Variants in LAMA5 observed in about 807,000 individuals in gnomAD.
LAMA5 encodes laminin subunit alpha 5, also known as laminin subunit alpha-5.
In LAMA5, 260 loss-of-function variants were observed where a neutral mutation model predicts 433.4. The observed-to-expected ratio is 0.60, with a 90% CI of 0.54 to 0.66. LAMA5 has a LOEUF of 0.66. LAMA5 is among the 30% of genes least tolerant of loss of function. LAMA5 has a pLI of 0.00. For missense variants in LAMA5, 5,378 were observed against 5,258.5 expected (o/e 1.02, Z -0.70); for synonymous variants, 2,620 against 2,226.6 (o/e 1.18, Z -4.97).
In LAMA5 at chr20:62,321,868, G is replaced by A; in HGVS notation, c.6496+151C>T. 4 of 765,008 alleles carry A rather than the reference G, an allele frequency of 5.2e-6. No individual in the cohort carries two copies. In the Admixed American group the frequency reaches 7.5e-5, roughly 14 times the overall value. 47.4% of individuals were successfully genotyped at this position (765,008 alleles called of 1,614,324 possible). On this transcript the variant is annotated intron_variant, in intron 48 of 79. Transcript: ENST00000252999. ...GTGGAGCTGCAGCGCTCCTCAGCGT[G>A]GTTGGAGTTGGACAGGCATGGGTCT...
chr20:62,345,378 A>G (rs1424323009), intron 11 of LAMA5: 2 of 163,884 alleles, frequency 1.2e-5, no homozygotes, highest in East Asian at 1.8e-4. Context: ...CACATTGTGC[A>G]GGTTAGTTAC....
chr20:62,364,742 C>G (rs1986531738), intron 1 of LAMA5, among the ~76,000 whole-genome samples: 2 of 152,234 alleles, frequency 1.3e-5, no homozygotes, highest in South Asian at 4.1e-4. Flanking sequence ...TGCCCTCTGC[C>G]TGCTCCAGCT....
chr20:62,346,888 CACGT>C (rs1983473870), intron 7 of LAMA5, 21 bp downstream of exon 7: 1 of 1,610,866 alleles, frequency 6.2e-7, no homozygotes, highest in African/African-American at 1.3e-5. Context: ...GGGCAGGACA[CACGT>C]GTGTGGGAGG....
At position 62,310,400 on chromosome 20, in the gene LAMA5, G is replaced by A. The variant is rs1206901253; in HGVS notation, c.10600+19C>T. ...CCTGCCCTGCCCTGCTGAGGCCTGG[G>A]ATGCCAGCACCCACAGACCTAAAGT... is the stretch of plus-strand genomic sequence containing the variant. On this transcript the variant is annotated intron_variant, in intron 76 of 79. Transcript: ENST00000252999. 3 of 1,586,514 alleles carry A rather than the reference G, an allele frequency of 1.9e-6. No homozygotes were observed. The highest frequency in any genetic ancestry group is 2.6e-6 in the Non-Finnish European group (3 of 1,169,546).
chr20:62,317,730 G>A lies in LAMA5; in HGVS notation c.7288C>T (p.Leu2430=), dbSNP rs777580744. ...GCCAGGGTGTCCCTAGCCGCATGCAGAGTGGCCTGCAGGGTGGCATTGTCC... is the reference window on the plus strand; with the variant it reads ...GCCAGGGTGTCCCTAGCCGCATGCAAAGTGGCCTGCAGGGTGGCATTGTCC... The part of the protein sequence containing the change: ...SRDNATLQAT[L]HAARDTLASV... The change falls in exon 54 of 80, where the codon CTG becomes TTG. Residue 2430 remains leucine, a synonymous_variant. Coordinates refer to ENST00000252999, the MANE Select transcript of LAMA5 (RefSeq NM_005560.6). 1.2e-6 allele frequency: 2 copies of A among 1,607,996 alleles called. No homozygotes were observed. The highest frequency in any genetic ancestry group is 1.7e-6 in the Non-Finnish European group (2 of 1,178,082).
In LAMA5 at chr20:62,324,155, CCAGCCTGGCAGCGCT is replaced by C. The variant is rs1167065267; in HGVS notation, c.5678_5692del (p.Glu1893_Ala1897del). 6.4e-7 allele frequency: 1 copy of C among 1,556,050 alleles called. No homozygotes were observed. Among genetic ancestry groups the C allele is most frequent in the African/African-American group, 1.4e-5 (1 of 71,108 alleles). ...GGGGTCGTCCCTGCTGCTCACGAAG[CCAGCCTGGCAGCGCT>C]CACAGTGGGCCCCTTCGGTGTTGTG... is the stretch of plus-strand genomic sequence containing the variant. On this transcript the variant is annotated inframe_deletion, in exon 43 of 80. Transcript: ENST00000252999. The surrounding 1 kb of genome is among the most constrained non-coding windows in gnomAD (Gnocchi z 4.4).
Position 62,338,220 on chromosome 20 carries a change from G to A in LAMA5, c.1756+12C>T. 6.3e-7 allele frequency: 1 copy of A among 1,586,476 alleles called. No individual in the cohort carries two copies. The highest frequency in any genetic ancestry group is 8.6e-7 in the Non-Finnish European group (1 of 1,164,142). On this transcript the variant is annotated intron_variant, in intron 13 of 79. Transcript: ENST00000252999. ...TCCCCTACCCACGCCCACGTGGAGA[G>A]GCACCACTCACACTGGCAGAGAGGG...
chr20:62,367,122 C>G lies in LAMA5; in HGVS notation c.124G>C (p.Gly42Arg), dbSNP rs969518713. 11 of 1,274,990 alleles carry G rather than the reference C, an allele frequency of 8.6e-6. No individual in the cohort carries two copies. The highest frequency in any genetic ancestry group is 4.6e-5 in the African/African-American group (3 of 64,532). The allele number at this position is 1,274,990 out of a possible 1,614,324, so 79.0% of individuals were successfully genotyped here. ...AARAREEAGG[G>R]FSLHPPYFNL... is the part of the protein sequence containing the mutation. ...AAGTAGGGCGGGTGCAGGCTGAAGC[C>G]GCCGCCCGCCTCCTCCCGCGCCCGC... Residue 42 changes from glycine (G) to arginine (R), a missense_variant, in exon 1 of 80, where the codon GGC becomes CGC. By Grantham distance (125) the Gly-to-Arg change is moderately radical. Transcript: ENST00000252999.
In LAMA5 at chr20:62,330,831, G is replaced by A. The variant is rs371676558; in HGVS notation, c.3764C>T (p.Thr1255Ile). The A allele has an allele frequency of 1.3e-6, 2 of 1,545,102 alleles. No homozygotes were observed. The highest frequency in any genetic ancestry group is 2.0e-5 in the Admixed American group (1 of 50,932). ...GGGTCCAGCTGGGGACATGGCTGGAGTGAGATCCTGCGCGTGGGTCAGCGG... is the reference window on the plus strand; with the variant it reads ...GGGTCCAGCTGGGGACATGGCTGGAATGAGATCCTGCGCGTGGGTCAGCGG... ...GLPLTHAQDLTPAMSPAGPRP... is the reference protein window; with the variant it reads ...GLPLTHAQDLIPAMSPAGPRP... Residue 1255 changes from threonine (T) to isoleucine (I), a missense_variant, in exon 30 of 80, where the codon ACT becomes ATT. Thr to Ile is a moderately conservative substitution (Grantham distance 89, BLOSUM62 -1). Transcript: ENST00000252999.
At chr20:62,365,153 G>A (rs773251763) in intron 1 of LAMA5, among the ~76,000 whole-genome samples, 6 of 152,268 alleles carry the variant, frequency 3.9e-5, no homozygotes, top group South Asian at 2.1e-4. Flanking sequence ...CTTTGGAAGC[G>A]AAGGGTTCAC....
rs755642414 is a variant in LAMA5 at position 62,332,490 on chromosome 20, G to A, written c.3444-10C>T. On this transcript the variant is annotated splice_polypyrimidine_tract_variant and intron_variant, in intron 27 of 79. Coordinates refer to ENST00000252999, the MANE Select transcript of LAMA5 (RefSeq NM_005560.6). ...GCCCCGGCACAGGGTGCTGTGGGGG[G>A]AGGGTGGTCAGCAGGTGGGGCAGCC... 1.2e-6 allele frequency: 2 copies of A among 1,611,366 alleles called. No homozygotes were observed. The highest frequency in any genetic ancestry group is 1.1e-5 in the South Asian group (1 of 91,028).
intron 26 of LAMA5, 115 bp from the exon 27 acceptor site, chr20:62,332,832 C>T (rs1176628231): frequency 2.3e-6 from 3 of 1,332,870 alleles, no homozygotes; most frequent in Non-Finnish European, 3.0e-6. Flanking sequence ...CGAGTCCCAC[C>T]CTGGCCCGGA....
intron 1 of LAMA5, among the ~76,000 whole-genome samples, chr20:62,363,720 T>G (rs891289125): frequency 3.9e-5 from 6 of 152,018 alleles, no homozygotes; most frequent in Non-Finnish European, 7.4e-5. Flanking sequence ...CCAGCCTCCC[T>G]TGGGGGGCCA....
At chr20:62,352,444 G>C (rs7354304) in intron 3 of LAMA5, 84 bp from the exon 4 acceptor site, 18,788 of 1,018,182 alleles carry the variant, frequency 0.018, 245 homozygotes, top group Non-Finnish European at 0.021. Context: ...TGACGTCTCC[G>C]GGCCTTGCCA....
At position 62,324,241 on chromosome 20, in the gene LAMA5, C is replaced by A. The variant is rs558083042; in HGVS notation, c.5644-37G>T. 273 of 1,575,688 alleles carry A rather than the reference C, an allele frequency of 1.7e-4. 2 individuals carry two copies. The South Asian group carries it at 3.1e-3, about 18-fold the overall frequency. ...TGGACAGTCAGAGCTATGGTGGACA[C>A]CCACATCCTACTGCCGAGTCTGTGC... On this transcript the variant is annotated intron_variant, in intron 42 of 79. Transcript: ENST00000252999. The surrounding 1 kb of genome is among the most constrained non-coding windows in gnomAD (Gnocchi z 4.4).
chr20:62,319,823 G>A lies in LAMA5; in HGVS notation c.6760-28C>T, dbSNP rs1278497407. The A allele has an allele frequency of 1.2e-5, 18 of 1,509,242 alleles. No homozygotes were observed. The East Asian group carries it at 2.5e-4, about 21-fold the overall frequency. 93.5% of individuals were successfully genotyped at this position (1,509,242 alleles called of 1,614,324 possible). A position where few individuals can be genotyped will look rare whatever the true frequency, so the allele number is the denominator to read the frequency against. On this transcript the variant is annotated intron_variant, in intron 50 of 79. Transcript: ENST00000252999. ...GTGGAGGAAGAGCCCACTAGCCCAC[G>A]CTGCTGGTAGGCGAGGGTCGGGGTG... is the stretch of plus-strand genomic sequence containing the variant.
chr20:62,312,664 CA>C lies in LAMA5; in HGVS notation c.9194del (p.Leu3065ArgfsTer42). 1 of 1,607,712 alleles carries C rather than the reference CA, an allele frequency of 6.2e-7. No individual in the cohort carries two copies. The highest frequency in any genetic ancestry group is 8.5e-7 in the Non-Finnish European group (1 of 1,177,950). On this transcript the variant is annotated frameshift_variant, in exon 67 of 80. Transcript: ENST00000252999. LOFTEE classifies it high-confidence loss of function. ...GCAGCTGGTCGGGCGGCACGCCCCCCAGGTAGTAGGCGTCGGCCAGCTCCAG... is the reference window on the plus strand; with the variant it reads ...GCAGCTGGTCGGGCGGCACGCCCCCCGGTAGTAGGCGTCGGCCAGCTCCAG... ...NDLELADAYY[L>X]GGVPPDQLPP... is the part of the protein sequence containing the mutation.
Position 62,325,522 on chromosome 20 carries a change from G to A in LAMA5, c.5323C>T (p.Arg1775Cys), listed in dbSNP as rs148692302. The A allele has an allele frequency of 9.2e-5, 149 of 1,611,146 alleles. No individual in the cohort carries two copies. Among genetic ancestry groups the A allele is most frequent in the African/African-American group, 1.6e-4 (12 of 74,886 alleles). The change falls in exon 41 of 80, where the codon CGC becomes TGC. Residue 1775 changes from arginine to cysteine, a missense_variant. Coordinates refer to ENST00000252999, the MANE Select transcript of LAMA5 (RefSeq NM_005560.6). ...AGCTCCTCGCGGGACACAGTGTTGCGCGTCTCCGTATGCCGGAAGTTCCCC... is the reference window on the plus strand; with the variant it reads ...AGCTCCTCGCGGGACACAGTGTTGCACGTCTCCGTATGCCGGAAGTTCCCC... ...VEGNFRHTET[R>C]NTVSREELMM...
At chr20:62,325,573 G>T (rs768357314) in intron 40 of LAMA5, 27 bp from the exon 41 acceptor site, 2 of 1,485,780 alleles carry the variant, frequency 1.3e-6, no homozygotes, top group Non-Finnish European at 9.3e-7. Flanking sequence ...GCACCTCAGT[G>T]GGGCCACACT....
Sources: gnomAD v4.1 joint callset for allele counts (sites outside exome capture counted in the v4.1 genomes callset) on GRCh38, gnomAD v4.1.1 for gene constraint, Gnocchi (gnomAD v3.1) non-coding constraint, MANE v1.5 for transcripts, NCBI Gene and HGNC (gene_info 2026-07-23, HGNC 2026-07-21) for gene names.